SNCAIP: variants seen among roughly 807,000 people sequenced by gnomAD.
SNCAIP encodes the protein synphilin-1.
In SNCAIP, 43 loss-of-function variants were observed where a neutral mutation model predicts 86.7. The observed-to-expected ratio is 0.50, with a 90% CI of 0.39 to 0.64. The LOEUF (loss-of-function observed/expected upper bound fraction) is 0.64, where lower values mean the gene tolerates loss of function less well. Ranked by LOEUF, SNCAIP falls within the 30% of genes least tolerant of loss-of-function variation. SNCAIP has a pLI of 0.00. For synonymous variants in SNCAIP, 417 were observed against 427.2 expected (o/e 0.98, Z 0.29); for missense variants, 981 against 1,103.1 (o/e 0.89, Z 1.57).
chr5:122,313,383 A>C (rs1751041989), intron 1 of SNCAIP, among the ~76,000 whole-genome samples: 2 of 152,262 alleles, frequency 1.3e-5, no homozygotes, highest in African/African-American at 4.8e-5. Flanking sequence ...GCAAAATGAA[A>C]TAAGGGCTGT....
intron 5 of SNCAIP, 134 bp from the exon 6 acceptor site, chr5:122,431,835 C>A: frequency 1.4e-6 from 1 of 690,682 alleles, no homozygotes; most frequent in Non-Finnish European, 2.7e-6. Flanking sequence ...ATCTTTATAT[C>A]ATAAATAAAT....
chr5:122,361,559 T>C (rs983145268), intron 1 of SNCAIP, among the ~76,000 whole-genome samples: 14 of 152,178 alleles, frequency 9.2e-5, no homozygotes, highest in Non-Finnish European at 1.3e-4. Context: ...GCTGTTTTTT[T>C]AAAAAACAGC....
intron 2 of SNCAIP, chr5:122,401,071 G>C (rs943970098): frequency 6.5e-7 from 1 of 1,550,140 alleles, no homozygotes; most frequent in South Asian, 1.2e-5. Flanking sequence ...GGTTCCCATA[G>C]GGCCAAACTG....
At chr5:122,329,598 C>T (rs949009628) in intron 1 of SNCAIP, among the ~76,000 whole-genome samples, 7 of 152,224 alleles carry the variant, frequency 4.6e-5, no homozygotes, top group Admixed American at 3.3e-4. Flanking sequence ...TTTGTTAGAA[C>T]TCACTGAGGA....
chr5:122,409,584 A>G (rs1374777526), intron 3 of SNCAIP, among the ~76,000 whole-genome samples: 1 of 152,236 alleles, frequency 6.6e-6, no homozygotes, highest in African/African-American at 2.4e-5. Flanking sequence ...GACAATGAGT[A>G]AGGAAACAGT....
At chr5:122,320,306 G>A (rs1752652879) in intron 1 of SNCAIP, among the ~76,000 whole-genome samples, 1 of 152,162 alleles carries the variant, frequency 6.6e-6, no homozygotes, top group Admixed American at 6.5e-5. Flanking sequence ...TAACTTAACA[G>A]ATGCTCAACA....
At chr5:122,413,196 C>T (rs1321768298) in intron 3 of SNCAIP, among the ~76,000 whole-genome samples, 1 of 152,166 alleles carries the variant, frequency 6.6e-6, no homozygotes, top group Non-Finnish European at 1.5e-5. Context: ...TTGTTATGGC[C>T]AATAAAATCC....
chr5:122,382,782 G>A (rs1168089625), intron 1 of SNCAIP, among the ~76,000 whole-genome samples: 2 of 152,192 alleles, frequency 1.3e-5, no homozygotes, highest in African/African-American at 4.8e-5. Context: ...TCAGCTGCAG[G>A]TCTGTTGGAA....
intron 1 of SNCAIP, among the ~76,000 whole-genome samples, chr5:122,332,262 C>T (rs1452609037): frequency 6.6e-6 from 1 of 152,166 alleles, no homozygotes; most frequent in Non-Finnish European, 1.5e-5. Context: ...TAACAGTCGA[C>T]CATCAGCATC....
intron 4 of SNCAIP, among the ~76,000 whole-genome samples, chr5:122,424,029 T>G (rs1180548821): frequency 6.6e-6 from 1 of 152,222 alleles, no homozygotes; most frequent in Non-Finnish European, 1.5e-5. Flanking sequence ...TTAACTTGAA[T>G]CTCAATGTCT....
At chr5:122,400,325 G>A (rs1490018319) in intron 2 of SNCAIP, among the ~76,000 whole-genome samples, 1 of 152,220 alleles carries the variant, frequency 6.6e-6, no homozygotes, top group Non-Finnish European at 1.5e-5. Context: ...ATTAATTCTA[G>A]TGTTAGTATA....
At chr5:122,432,996 C>G (rs983375337) in intron 6 of SNCAIP, among the ~76,000 whole-genome samples, 1 of 151,996 alleles carries the variant, frequency 6.6e-6, no homozygotes, top group Non-Finnish European at 1.5e-5. Context: ...AGAGATTATG[C>G]TTTTTCAAGT....
intron 8 of SNCAIP, chr5:122,445,063 A>G (rs1781983915): frequency 2.7e-6 from 1 of 373,010 alleles, no homozygotes; most frequent in Non-Finnish European, 5.1e-6. Flanking sequence ...CATAGGCATC[A>G]TCTCCAAACT....
intron 2 of SNCAIP, among the ~76,000 whole-genome samples, chr5:122,402,294 T>C (rs879642530): frequency 1.3e-5 from 2 of 152,104 alleles, no homozygotes; most frequent in Non-Finnish European, 2.9e-5. Context: ...GAAAAATGCC[T>C]TGTGTACCTG....
chr5:122,401,195 A>G lies in SNCAIP; in HGVS notation c.58-2598A>G. On this transcript the variant is annotated intron_variant, in intron 2 of 10. Coordinates refer to ENST00000261368, the MANE Select transcript of SNCAIP (RefSeq NM_005460.4). ...CTGTGAACTGGGATGAAGGCCTGGGAAGCCTTCCATTTCAGCTCCCAGATG... is the reference window on the plus strand; with the variant it reads ...CTGTGAACTGGGATGAAGGCCTGGGGAGCCTTCCATTTCAGCTCCCAGATG... The G allele has an allele frequency of 4.8e-6, 7 of 1,447,042 alleles. No homozygotes were observed. The South Asian group carries it at 8.4e-5, about 17-fold the overall frequency. The allele number at this position is 1,447,042 out of a possible 1,614,324, so 89.6% of individuals were successfully genotyped here. A position where few individuals can be genotyped will look rare whatever the true frequency, so the allele number is the denominator to read the frequency against.
intron 8 of SNCAIP, among the ~76,000 whole-genome samples, chr5:122,448,653 T>TATATCTATA (rs1439432296): frequency 7.8e-6 from 1 of 127,814 alleles, no homozygotes; most frequent in South Asian, 2.3e-4. Context: ...TATATATTTT[T>TATATCTATA]ATATATATTA....
intron 1 of SNCAIP, among the ~76,000 whole-genome samples, chr5:122,376,067 T>C (rs1765242447): frequency 6.6e-6 from 1 of 152,172 alleles, no homozygotes; most frequent in Non-Finnish European, 1.5e-5. Flanking sequence ...CCTTGACCTA[T>C]TGAATCAGCA....
chr5:122,448,001 G>A (rs1306342700), intron 8 of SNCAIP, among the ~76,000 whole-genome samples: 1 of 152,214 alleles, frequency 6.6e-6, no homozygotes, highest in Non-Finnish European at 1.5e-5. Flanking sequence ...TCTTAGTGAT[G>A]AAATGTTTGG....
chr5:122,421,184 G>A (rs1236477890), intron 3 of SNCAIP, among the ~76,000 whole-genome samples: 2 of 152,112 alleles, frequency 1.3e-5, no homozygotes, highest in Admixed American at 6.5e-5. Flanking sequence ...GGAGAGAATC[G>A]AGCCCTCCTT....
Sources: gnomAD v4.1 joint callset for allele counts (sites outside exome capture counted in the v4.1 genomes callset) on GRCh38, gnomAD v4.1.1 for gene constraint, MANE v1.5 for transcripts, NCBI Gene and HGNC (gene_info 2026-07-23, HGNC 2026-07-21) for gene names.